MAGI2: variants seen among roughly 807,000 people sequenced by gnomAD.
MAGI2 encodes the protein membrane associated guanylate kinase, WW and PDZ domain containing 2, also known as membrane-associated guanylate kinase, WW and PDZ domain-containing protein 2.
In MAGI2, 35 loss-of-function variants were observed where a neutral mutation model predicts 133.3. The observed-to-expected ratio is 0.26, with a 90% CI of 0.20 to 0.35. The LOEUF (loss-of-function observed/expected upper bound fraction) is 0.35. Among genes scored for constraint, MAGI2 ranks in the 10% least tolerant of loss-of-function variants. The pLI is 1.00. For missense variants in MAGI2, 1,636 were observed against 1,863.4 expected, an observed-to-expected ratio of 0.88 and a Z score of 2.25; for synonymous variants, 729 against 710.6, an observed-to-expected ratio of 1.03 and a Z score of -0.41.
At chr7:78,268,667 G>A (rs17150464) in intron 9 of MAGI2, among the ~76,000 whole-genome samples, 30,104 of 152,012 alleles carry the variant, frequency 0.2, 3,359 homozygotes, top group South Asian at 0.31. Context: ...AAATTTCAAG[G>A]TTCATTTCAT....
chr7:78,223,359 GT>G (rs964325333), intron 10 of MAGI2, among the ~76,000 whole-genome samples: 1 of 152,038 alleles, frequency 6.6e-6, no homozygotes, highest in African/African-American at 2.4e-5. Context: ...TGACCTACAG[GT>G]TTGAAGAACC....
intron 1 of MAGI2, among the ~76,000 whole-genome samples, chr7:79,380,380 G>A (rs1843693081): frequency 6.6e-6 from 1 of 151,636 alleles, no homozygotes; most frequent in Admixed American, 6.6e-5. Context: ...CAACAATGCT[G>A]CATATTTTGT....
chr7:79,408,376 C>G (rs938783386), intron 1 of MAGI2, among the ~76,000 whole-genome samples: 3 of 151,550 alleles, frequency 2.0e-5, no homozygotes, highest in Non-Finnish European at 2.9e-5. Context: ...TAATATTGAA[C>G]AGAAATCATT....
At chr7:78,496,331 G>A (rs7789112) in intron 5 of MAGI2, among the ~76,000 whole-genome samples, 78,792 of 152,036 alleles carry the variant, frequency 0.52, 22,792 homozygotes, top group African/African-American at 0.8. Flanking sequence ...GTTCACTGCC[G>A]TTTGGGAAGA....
At chr7:78,691,878 G>A (rs1305722637) in intron 2 of MAGI2, among the ~76,000 whole-genome samples, 1 of 152,126 alleles carries the variant, frequency 6.6e-6, no homozygotes, top group East Asian at 1.9e-4. Context: ...AATACCAAGA[G>A]GGAACCCTAA....
chr7:78,940,062 A>G (rs753750990), intron 2 of MAGI2, among the ~76,000 whole-genome samples: 31 of 152,170 alleles, frequency 2.0e-4, no homozygotes, highest in Admixed American at 3.9e-4. Context: ...CCTCATCCCC[A>G]TGTGTGCCAT....
intron 2 of MAGI2, among the ~76,000 whole-genome samples, chr7:78,802,292 T>C (rs936731826): frequency 6.6e-6 from 1 of 152,218 alleles, no homozygotes; most frequent in Non-Finnish European, 1.5e-5. Flanking sequence ...GAGTGTTTTT[T>C]TAATGCCTGT....
intron 7 of MAGI2, among the ~76,000 whole-genome samples, chr7:78,367,131 T>A (rs1434713814): frequency 2.7e-5 from 1 of 37,064 alleles, no homozygotes; most frequent in Admixed American, 2.5e-4. Context: ...ACACACAAAT[T>A]TGAAGTACAA....
At chr7:78,783,544 T>C (rs946924762) in intron 2 of MAGI2, among the ~76,000 whole-genome samples, 11 of 152,240 alleles carry the variant, frequency 7.2e-5, no homozygotes, top group South Asian at 2.1e-4. Context: ...GTTTTTAAAT[T>C]GGTTTCTAGT....
intron 2 of MAGI2, among the ~76,000 whole-genome samples, chr7:78,849,505 A>G (rs1293568403): frequency 6.6e-6 from 1 of 152,116 alleles, no homozygotes; most frequent in Non-Finnish European, 1.5e-5. Flanking sequence ...CAGAAGCAAC[A>G]CACGTTCCTT....
chr7:78,185,556 TC>T, intron 13 of MAGI2, 72 bp downstream of exon 13: 1 of 1,205,456 alleles, frequency 8.3e-7, no homozygotes, highest in African/African-American at 1.5e-5. Flanking sequence ...ACTGATACTA[TC>T]AGAAGAATGA....
At chr7:79,324,401 T>C (rs75697382) in intron 1 of MAGI2, among the ~76,000 whole-genome samples, 6,221 of 96,020 alleles carry the variant, frequency 0.065, 749 homozygotes, top group African/African-American at 0.092. Flanking sequence ...TATATATATA[T>C]ACACACAACG....
At chr7:78,126,830 A>G (rs939299539) in intron 19 of MAGI2, among the ~76,000 whole-genome samples, 1 of 152,216 alleles carries the variant, frequency 6.6e-6, no homozygotes, top group Admixed American at 6.5e-5. Flanking sequence ...GCTAGCATCT[A>G]TAAAATTTTC....
intron 1 of MAGI2, among the ~76,000 whole-genome samples, chr7:79,243,872 A>G (rs1682010705): frequency 6.6e-6 from 1 of 152,202 alleles, no homozygotes; most frequent in South Asian, 2.1e-4. Context: ...CAGGATTTCA[A>G]TTTTCATAAC....
At chr7:78,270,853 C>T (rs114825571) in intron 9 of MAGI2, among the ~76,000 whole-genome samples, 180 of 152,276 alleles carry the variant, frequency 1.2e-3, no homozygotes, top group African/African-American at 3.8e-3. Flanking sequence ...CTCAGCAACA[C>T]GTCTTATTTA....
At chr7:79,007,601 G>T (rs1034288264) in intron 1 of MAGI2, among the ~76,000 whole-genome samples, 1 of 151,972 alleles carries the variant, frequency 6.6e-6, no homozygotes, top group African/African-American at 2.4e-5. Flanking sequence ...CCACTTTTCT[G>T]TCTATAAATT....
At chr7:78,106,095 A>G (rs970909411) in intron 20 of MAGI2, among the ~76,000 whole-genome samples, 5 of 152,170 alleles carry the variant, frequency 3.3e-5, no homozygotes, top group Non-Finnish European at 7.4e-5. Context: ...GCTCCTACAT[A>G]TAAGTAATAA....
At chr7:78,662,252 C>T (rs1813043085) in intron 2 of MAGI2, among the ~76,000 whole-genome samples, 1 of 152,116 alleles carries the variant, frequency 6.6e-6, no homozygotes, top group Non-Finnish European at 1.5e-5. Flanking sequence ...AAGATATTAG[C>T]TTTGTTTTCT....
intron 1 of MAGI2, among the ~76,000 whole-genome samples, chr7:79,167,801 A>G (rs779202629): frequency 6.6e-6 from 1 of 152,098 alleles, no homozygotes; most frequent in Non-Finnish European, 1.5e-5. Context: ...ATCTGGCCAT[A>G]AACTGGCCCC....
Sources: gnomAD v4.1 joint callset for allele counts (sites outside exome capture counted in the v4.1 genomes callset) on GRCh38, gnomAD v4.1.1 for gene constraint, MANE v1.5 for transcripts, NCBI Gene and HGNC (gene_info 2026-07-23, HGNC 2026-07-21) for gene names.